DLAT: variants seen among roughly 807,000 people sequenced by gnomAD.
The protein encoded by DLAT is dihydrolipoyllysine-residue acetyltransferase component of pyruvate dehydrogenase complex, mitochondrial.
Under a neutral mutation model 68.0 loss-of-function variants are expected in DLAT, and 43 were observed. The observed-to-expected ratio is 0.63, with a 90% CI of 0.50 to 0.81. The LOEUF (loss-of-function observed/expected upper bound fraction) is 0.81, where lower values mean the gene tolerates loss of function less well. Ranked by LOEUF, DLAT falls within the 40% of genes least tolerant of loss-of-function variation. DLAT has a pLI of 0.00. For missense variants in DLAT, 745 were observed against 815.4 expected, an observed-to-expected ratio of 0.91 and a Z score of 1.05; for synonymous variants, 265 against 288.6, an observed-to-expected ratio of 0.92 and a Z score of 0.83.
At chr11:112,031,740 ATTTTTTTTTTT>A (rs35661701) in intron 4 of DLAT, among the ~76,000 whole-genome samples, 1 of 133,500 alleles carries the variant, frequency 7.5e-6, no homozygotes, top group Non-Finnish European at 1.6e-5. Context: ...TGCCCAGCTA[ATTTTTTTTTTT>A]TTTTTTTTTT....
At chr11:112,033,272 G>A (rs1862512951) in intron 4 of DLAT, 132 bp from the exon 5 acceptor site, 2 of 1,139,402 alleles carry the variant, frequency 1.8e-6, no homozygotes, top group African/African-American at 1.5e-5. Flanking sequence ...ATTGAGGTGT[G>A]AAGCTTTTGC....
chr11:112,042,912 T>C (rs911471457), intron 7 of DLAT, among the ~76,000 whole-genome samples: 1 of 152,222 alleles, frequency 6.6e-6, no homozygotes, highest in Admixed American at 6.5e-5. Flanking sequence ...TAAAGAGTTA[T>C]TCGTGCTATT....
chr11:112,051,377 C>G lies in DLAT; in HGVS notation c.1514+28C>G. On this transcript the variant is annotated intron_variant, in intron 11 of 13. Coordinates refer to ENST00000280346, the MANE Select transcript of DLAT (RefSeq NM_001931.5). The surrounding 1 kb of genome is among the most constrained non-coding windows in gnomAD (Gnocchi z 4.3). Reference sequence around the variant, plus strand: ...AAGTATAACTGGGGAAGATATATATCCATCGGTAGTTTTCTTGTATTATTT... The same window carrying G: ...AAGTATAACTGGGGAAGATATATATGCATCGGTAGTTTTCTTGTATTATTT... 6.8e-7 allele frequency: 1 copy of G among 1,471,650 alleles called. No individual in the cohort carries two copies. The highest frequency in any genetic ancestry group is 9.5e-7 in the Non-Finnish European group (1 of 1,051,684). 91.2% of individuals were successfully genotyped at this position (1,471,650 alleles called of 1,614,324 possible).
intron 10 of DLAT, among the ~76,000 whole-genome samples, chr11:112,049,801 T>C (rs1174010434): frequency 6.6e-6 from 1 of 152,234 alleles, no homozygotes; most frequent in African/African-American, 2.4e-5. Flanking sequence ...GTGTATTTCT[T>C]AGGTTTTTCT....
chr11:112,041,886 A>G (rs986547603), intron 7 of DLAT, among the ~76,000 whole-genome samples: 1 of 146,354 alleles, frequency 6.8e-6, no homozygotes, highest in Non-Finnish European at 1.5e-5. Flanking sequence ...CGTCTCAAAG[A>G]AAAAAAAAAA....
Position 112,025,722 on chromosome 11 carries a change from C to T in DLAT, c.250C>T (p.Arg84Cys), listed in dbSNP as rs1555179161. Residue 84 changes from arginine to cysteine, a missense_variant, in exon 1 of 14, where the codon CGC becomes TGC. Arg to Cys is a radical substitution (Grantham distance 180). Transcript: ENST00000280346. ...LLQLLGSPGR[R>C]YYSLPPHQKV... is the part of the protein sequence containing the mutation. Reference sequence around the variant, plus strand: ...GCAGCTTTTGGGGTCGCCCGGCCGCCGCTATTACAGTCTTCCCCCGCATCA... The same window carrying T: ...GCAGCTTTTGGGGTCGCCCGGCCGCTGCTATTACAGTCTTCCCCCGCATCA... 1.9e-6 allele frequency: 3 copies of T among 1,613,266 alleles called. No homozygotes were observed. The highest frequency in any genetic ancestry group is 2.2e-5 in the South Asian group (2 of 91,076).
rs1488878737 is a variant in DLAT at position 112,031,632 on chromosome 11, T to A, written c.661-1772T>A. On this transcript the variant is annotated intron_variant, in intron 4 of 13. Transcript: ENST00000280346. ...ACTCTTCACCTAGGCTGGAGTGCAG[T>A]GGTGCAATCTTAGCTCACTGTAGCC... Among the ~76,000 whole-genome samples the A allele has an allele frequency of 2.6e-5, 4 of 152,010 alleles. No individual in the cohort carries two copies. The East Asian group carries it at 7.7e-4, about 29-fold the overall frequency.
chr11:112,028,517 T>G lies in DLAT; in HGVS notation c.384T>G (p.Val128=). The part of the protein sequence containing the change: ...KINEGDLIAE[V]ETDKATVGFE... Reference sequence around the variant, plus strand: ...GCTACTGCTTTTTGTGTTAAAAGGTTGAAACTGATAAAGCCACTGTTGGAT... The same window carrying G: ...GCTACTGCTTTTTGTGTTAAAAGGTGGAAACTGATAAAGCCACTGTTGGAT... Residue 128 remains valine, a splice_region_variant and synonymous_variant, in exon 3 of 14, where the codon GTT becomes GTG. Coordinates refer to ENST00000280346, the MANE Select transcript of DLAT (RefSeq NM_001931.5). The G allele has an allele frequency of 6.2e-7, 1 of 1,613,826 alleles. No homozygotes were observed. The highest frequency in any genetic ancestry group is 1.1e-5 in the South Asian group (1 of 91,068).
At chr11:112,045,359 A>C in intron 9 of DLAT, 129 bp downstream of exon 9, 1 of 830,034 alleles carries the variant, frequency 1.2e-6, no homozygotes, top group East Asian at 2.6e-5. Context: ...ACTTTAAGGG[A>C]AGTTTTGGCC....
intron 4 of DLAT, among the ~76,000 whole-genome samples, chr11:112,031,885 GTTTTTTTT>G (rs55866523): frequency 8.8e-5 from 4 of 45,390 alleles, no homozygotes; most frequent in Admixed American, 4.3e-4. Context: ...GGTCTTTCCT[GTTTTTTTT>G]TTTTTTTTTT....
chr11:112,057,099 T>C (rs1216653123), intron 11 of DLAT, among the ~76,000 whole-genome samples: 3 of 152,204 alleles, frequency 2.0e-5, no homozygotes, highest in Non-Finnish European at 2.9e-5. Context: ...CCATTGTAAT[T>C]GTTTCAATGC....
intron 11 of DLAT, among the ~76,000 whole-genome samples, chr11:112,055,329 C>T (rs904868788): frequency 6.7e-5 from 10 of 150,268 alleles, no homozygotes; most frequent in East Asian, 1.9e-4. Context: ...CTGCAACCTC[C>T]GCCTCGTGGG....
Position 112,059,911 on chromosome 11 carries a change from T to C in DLAT, c.1523T>C (p.Val508Ala). Residue 508 changes from valine (V) to alanine (A), a missense_variant, in exon 12 of 14, where the codon GTT becomes GCT. Physicochemically the swap from Val to Ala is moderately conservative, Grantham distance 64. Transcript: ENST00000280346. ...TTTTTCTTTTTAAACAGAAATCATG[T>C]TGTTGATGTCAGTGTTGCGGTCAGT... ...WMDTVIRQNH[V>A]VDVSVAVSTP... The C allele has an allele frequency of 6.2e-7, 1 of 1,606,966 alleles. No individual in the cohort carries two copies. Among genetic ancestry groups the C allele is most frequent in the Non-Finnish European group, 8.5e-7 (1 of 1,176,468 alleles).
intron 11 of DLAT, among the ~76,000 whole-genome samples, chr11:112,054,217 G>A (rs1348678446): frequency 6.6e-6 from 1 of 152,116 alleles, no homozygotes; most frequent in Non-Finnish European, 1.5e-5. Flanking sequence ...TCAGGAGGCT[G>A]AGGCAGGAGA....
At chr11:112,028,041 C>A (rs1302058218) in intron 2 of DLAT, among the ~76,000 whole-genome samples, 1 of 152,092 alleles carries the variant, frequency 6.6e-6, no homozygotes, top group Non-Finnish European at 1.5e-5. Context: ...GTGTAGCTAC[C>A]CCTTTGTTTA....
intron 10 of DLAT, among the ~76,000 whole-genome samples, chr11:112,048,169 G>A (rs1863423104): frequency 6.6e-6 from 1 of 152,116 alleles, no homozygotes. Flanking sequence ...AGTTCTCCTT[G>A]AAGAGGTCCT....
At position 112,039,775 on chromosome 11, in the gene DLAT, A is replaced by G. The variant is rs79352162; in HGVS notation, c.1129+378A>G. Among the ~76,000 whole-genome samples the G allele has an allele frequency of 5.9e-3, 897 of 152,282 alleles. 4 individuals are homozygous for G. Among genetic ancestry groups the G allele is most frequent in the African/African-American group, 0.02 (830 of 41,560 alleles). ...AATAAGCAAAGCAAAATAAAATTTG[A>G]AGTTGGGGTGATTTGGAATGACTTA... On this transcript the variant is annotated intron_variant, in intron 7 of 13. Transcript: ENST00000280346.
In DLAT at chr11:112,045,334, G is replaced by A. The variant is rs1254506028; in HGVS notation, c.1290+104G>A. The A allele has an allele frequency of 1.3e-5, 13 of 977,782 alleles. No individual in the cohort carries two copies. The East Asian group carries it at 2.9e-4, about 22-fold the overall frequency. The allele number at this position is 977,782 out of a possible 1,614,324, so 60.6% of individuals were successfully genotyped here. A position where few individuals can be genotyped will look rare whatever the true frequency, so the allele number is the denominator to read the frequency against. ...CATTAACAGAGGCTTTTTAAGTTGG[G>A]AATATTGGATGATTACTTTAAGGGA... On this transcript the variant is annotated intron_variant, in intron 9 of 13. Coordinates refer to ENST00000280346, the MANE Select transcript of DLAT (RefSeq NM_001931.5).
chr11:112,056,284 A>G (rs1864070818), intron 11 of DLAT, among the ~76,000 whole-genome samples: 1 of 152,118 alleles, frequency 6.6e-6, no homozygotes, highest in South Asian at 2.1e-4. Flanking sequence ...CTTTACCACA[A>G]TCTAATTTTA....
Sources: gnomAD v4.1 joint callset for allele counts (sites outside exome capture counted in the v4.1 genomes callset) on GRCh38, gnomAD v4.1.1 for gene constraint, Gnocchi (gnomAD v3.1) non-coding constraint, MANE v1.5 for transcripts, NCBI Gene and HGNC (gene_info 2026-07-23, HGNC 2026-07-21) for gene names.